Variants in BRINP1 observed in about 807,000 individuals in gnomAD.
The protein encoded by BRINP1 is BMP/retinoic acid inducible neural specific 1.
In BRINP1, 17 loss-of-function variants were observed where a neutral mutation model predicts 72.9. That is an observed-to-expected ratio of 0.23 (90% confidence interval 0.16 to 0.35). The LOEUF is 0.35. BRINP1 is among the 10% of genes least tolerant of loss of function. BRINP1 has a pLI of 1.00. For synonymous variants in BRINP1, 418 were observed against 378.5 expected (o/e 1.10, Z -1.21); for missense variants, 850 against 1,001.6 (o/e 0.85, Z 2.04).
At chr9:119,321,601 A>G (rs1283735205) in intron 1 of BRINP1, among the ~76,000 whole-genome samples, 2 of 152,044 alleles carry the variant, frequency 1.3e-5, no homozygotes, top group African/African-American at 4.8e-5. Context: ...CAGCCTCCCC[A>G]CTAGCTGGGA....
At chr9:119,287,547 G>C (rs1002774427) in intron 2 of BRINP1, among the ~76,000 whole-genome samples, 1 of 152,126 alleles carries the variant, frequency 6.6e-6, no homozygotes, top group Non-Finnish European at 1.5e-5. Flanking sequence ...CTTGTTCCCC[G>C]ATGAACAAGG....
chr9:119,334,408 G>C (rs1831329247), intron 1 of BRINP1, among the ~76,000 whole-genome samples: 1 of 152,158 alleles, frequency 6.6e-6, no homozygotes, highest in South Asian at 2.1e-4. Flanking sequence ...TTGAAGTAGT[G>C]TGCCTAAGAT....
At chr9:119,249,534 G>A (rs182132623) in intron 2 of BRINP1, among the ~76,000 whole-genome samples, 6 of 152,130 alleles carry the variant, frequency 3.9e-5, no homozygotes, top group Admixed American at 2.0e-4. Flanking sequence ...AATTTTCATG[G>A]TATTTTATAG....
intron 2 of BRINP1, among the ~76,000 whole-genome samples, chr9:119,270,993 A>C (rs1447474802): frequency 6.6e-6 from 1 of 152,138 alleles, no homozygotes; most frequent in Non-Finnish European, 1.5e-5. Context: ...ATAAGAAATA[A>C]ATTATATTAC....
chr9:119,239,890 A>T (rs1430546472), intron 4 of BRINP1, among the ~76,000 whole-genome samples: 1 of 152,130 alleles, frequency 6.6e-6, no homozygotes, highest in Non-Finnish European at 1.5e-5. Flanking sequence ...AGAGAGTAAA[A>T]CTTACCAATT....
intron 5 of BRINP1, among the ~76,000 whole-genome samples, chr9:119,218,470 C>T (rs1002230011): frequency 2.0e-5 from 3 of 151,998 alleles, no homozygotes; most frequent in Non-Finnish European, 4.4e-5. Flanking sequence ...ACTTTAAACA[C>T]TTCCTCCTGC....
intron 1 of BRINP1, among the ~76,000 whole-genome samples, chr9:119,347,545 C>T (rs1268544969): frequency 6.6e-6 from 1 of 152,096 alleles, no homozygotes; most frequent in Non-Finnish European, 1.5e-5. Context: ...ATCAATCAAA[C>T]CTTGATTTCA....
rs964309256 is a variant in BRINP1, at chr9:119,238,884, A to C, written c.580-124T>G. On this transcript the variant is annotated intron_variant, in intron 4 of 7. Coordinates refer to ENST00000265922, the MANE Select transcript of BRINP1 (RefSeq NM_014618.3). ...GGCCTCCTGGTTTGAGTCAATGGTC[A>C]CTTTCTGAGCTTCGTGCTTGTGTCT... 1.7e-5 allele frequency: 10 copies of C among 593,538 alleles called. No homozygotes were observed. In the African/African-American group the frequency reaches 1.9e-4, roughly 11 times the overall value. 36.8% of individuals were successfully genotyped at this position (593,538 alleles called of 1,614,324 possible). A position where few individuals can be genotyped will look rare whatever the true frequency, so the allele number is the denominator to read the frequency against.
At chr9:119,266,373 T>C (rs556712508) in intron 2 of BRINP1, among the ~76,000 whole-genome samples, 28 of 152,332 alleles carry the variant, frequency 1.8e-4, no homozygotes, top group African/African-American at 6.7e-4. Flanking sequence ...TTTACTGTTA[T>C]CATTATATAT....
chr9:119,235,499 C>T (rs1175049474), intron 5 of BRINP1, among the ~76,000 whole-genome samples: 1 of 152,152 alleles, frequency 6.6e-6, no homozygotes, highest in Non-Finnish European at 1.5e-5. Context: ...CGTTAAGTCC[C>T]TATGCTATCT....
At position 119,337,649 on chromosome 9, in the gene BRINP1, A is replaced by C. The variant is rs540531544; in HGVS notation, c.-50-24244T>G. Among the ~76,000 whole-genome samples the C allele has an allele frequency of 3.9e-5, 6 of 152,346 alleles. No homozygotes were observed. In the South Asian group the frequency reaches 1.2e-3, roughly 32 times the overall value. ...AGTCTTGCTTTTGCTTTCTAACCAG[A>C]ATTGAACCTGTGACCACAGTCAGTC... On this transcript the variant is annotated intron_variant, in intron 1 of 7. Transcript: ENST00000265922.
intron 7 of BRINP1, among the ~76,000 whole-genome samples, chr9:119,203,860 G>A (rs1240655385): frequency 2.0e-5 from 3 of 151,914 alleles, no homozygotes; most frequent in Non-Finnish European, 4.4e-5. Flanking sequence ...AATTGCTATT[G>A]TACCTCATCT....
At chr9:119,304,749 G>A (rs778305516) in intron 2 of BRINP1, among the ~76,000 whole-genome samples, 1 of 152,256 alleles carries the variant, frequency 6.6e-6, no homozygotes, top group Non-Finnish European at 1.5e-5. Flanking sequence ...GCCTGCAGCT[G>A]TTGGTGGCAC....
chr9:119,251,602 C>A (rs1431783216), intron 2 of BRINP1, among the ~76,000 whole-genome samples: 1 of 148,214 alleles, frequency 6.7e-6, no homozygotes, highest in East Asian at 1.9e-4. Flanking sequence ...AACAAATAAA[C>A]ACAAAAACAA....
chr9:119,263,057 A>T (rs936329033), intron 2 of BRINP1, among the ~76,000 whole-genome samples: 1 of 152,164 alleles, frequency 6.6e-6, no homozygotes, highest in Non-Finnish European at 1.5e-5. Flanking sequence ...GGGGATAGCG[A>T]TGAACGCAGA....
At chr9:119,217,330 G>GACAC (rs60503500) in intron 5 of BRINP1, among the ~76,000 whole-genome samples, 18 of 146,050 alleles carry the variant, frequency 1.2e-4, no homozygotes, top group African/African-American at 3.7e-4. Context: ...CAGACACACA[G>GACAC]ACACACACAC....
chr9:119,168,120 C>T lies in BRINP1; in HGVS notation c.1250G>A (p.Gly417Asp). ...GGGGCGCTGGCACAGCGTGGTGCTG[C>T]CGTGGCACACGCAGCTCCGCTGGCT... ...LESQRSCVCH[G>D]STTLCQRPIP... The change falls in exon 8 of 8, where the codon GGC (glycine) becomes GAC (aspartate). Residue 417 changes from glycine to aspartate, a missense_variant. Physicochemically the swap from Gly to Asp is moderately conservative, Grantham distance 94. Transcript: ENST00000265922. The T allele has an allele frequency of 1.2e-6, 2 of 1,606,686 alleles. No homozygotes were observed. Among genetic ancestry groups the T allele is most frequent in the Non-Finnish European group, 1.7e-6 (2 of 1,175,246 alleles).
At chr9:119,267,986 T>C (rs1196032601) in intron 2 of BRINP1, among the ~76,000 whole-genome samples, 1 of 152,132 alleles carries the variant, frequency 6.6e-6, no homozygotes, top group Non-Finnish European at 1.5e-5. Flanking sequence ...CTCATATCTG[T>C]AATCCCAGCA....
intron 2 of BRINP1, among the ~76,000 whole-genome samples, chr9:119,300,553 C>T (rs903419119): frequency 6.6e-6 from 1 of 152,114 alleles, no homozygotes; most frequent in African/African-American, 2.4e-5. Context: ...AATAATAACC[C>T]CACTGTGTCC....
Sources: gnomAD v4.1 joint callset for allele counts (sites outside exome capture counted in the v4.1 genomes callset) on GRCh38, gnomAD v4.1.1 for gene constraint, MANE v1.5 for transcripts, NCBI Gene and HGNC (gene_info 2026-07-23, HGNC 2026-07-21) for gene names.